The following PTK2B variants were observed in gnomAD, a reference collection of about 807,000 sequenced individuals.
The protein encoded by PTK2B is protein tyrosine kinase 2 beta.
Under a neutral mutation model 142.9 loss-of-function variants are expected in PTK2B, and 71 were observed. The observed-to-expected ratio is 0.50, with a 90% CI of 0.41 to 0.61. PTK2B has a LOEUF of 0.61. PTK2B is among the 20% of genes least tolerant of loss of function. The probability of loss-of-function intolerance (pLI) is 0.00; values close to 1 mark genes in which losing one functional copy is unlikely to be tolerated. For missense variants in PTK2B, 1,105 were observed against 1,320.4 expected, an observed-to-expected ratio of 0.84 and a Z score of 2.53; for synonymous variants, 519 against 503.4, an observed-to-expected ratio of 1.03 and a Z score of -0.42.
At position 27,327,290 on chromosome 8, in the gene PTK2B, G is replaced by C. The variant is rs1803478537; in HGVS notation, c.-38+1609G>C. On this transcript the variant is annotated intron_variant, in intron 1 of 30. Transcript: ENST00000346049. ...CTGCCAGGCTGCCATGGCAACTTCT[G>C]TTGGAGCAACACTTGGGACCTGGAG... 2.0e-5 allele frequency among the ~76,000 whole-genome samples: 3 copies of C among 152,206 alleles called. No homozygotes were observed. The South Asian group carries it at 6.2e-4, about 31-fold the overall frequency.
chr8:27,430,468 G>C (rs1461357606), intron 7 of PTK2B, 50 bp downstream of exon 7: 13 of 1,603,562 alleles, frequency 8.1e-6, no homozygotes, highest in Admixed American at 1.7e-5. Context: ...CCCGAGACTA[G>C]AGTGTAAGGG....
At chr8:27,311,176 G>T, upstream of PTK2B, 1 of 1,606,426 alleles carries the variant, frequency 6.2e-7, no homozygotes. Context: ...AGACGGCGCA[G>T]AGCAACTCCT....
At chr8:27,326,234 G>A (rs1444953659) in intron 1 of PTK2B, among the ~76,000 whole-genome samples, 11 of 149,400 alleles carry the variant, frequency 7.4e-5, no homozygotes, top group Non-Finnish European at 1.2e-4. Context: ...GTATGTGTGT[G>A]TGTGTGTGTG....
intron 1 of PTK2B, among the ~76,000 whole-genome samples, chr8:27,344,775 A>T (rs1473280683): frequency 6.6e-6 from 1 of 152,144 alleles, no homozygotes; most frequent in Non-Finnish European, 1.5e-5. Context: ...ACTTTACTCC[A>T]GGACACACAA....
At chr8:27,323,689 T>C (rs528702303), upstream of PTK2B, among the ~76,000 whole-genome samples, 3 of 152,264 alleles carry the variant, frequency 2.0e-5, no homozygotes, top group African/African-American at 7.2e-5. Flanking sequence ...CTGAGTTGCT[T>C]GTACATGACA....
At chr8:27,411,639 G>T (rs149854775) in intron 2 of PTK2B, among the ~76,000 whole-genome samples, 1 of 152,186 alleles carries the variant, frequency 6.6e-6, no homozygotes, top group African/African-American at 2.4e-5. Flanking sequence ...TCTCACCCTC[G>T]TTTGTATGAC....
rs530375979 is a variant in PTK2B, at chr8:27,349,824, C to T, written c.-38+24143C>T. On this transcript the variant is annotated intron_variant, in intron 1 of 30. Coordinates refer to ENST00000346049, the MANE Select transcript of PTK2B (RefSeq NM_173176.3). ...ACCCCCTTAAATCCTAATATTGTGACAAACTGAGAGGTGATGGTTGCTTGC... is the reference window on the plus strand; with the variant it reads ...ACCCCCTTAAATCCTAATATTGTGATAAACTGAGAGGTGATGGTTGCTTGC... Among the ~76,000 whole-genome samples, 10 of 152,326 alleles carry T rather than the reference C, an allele frequency of 6.6e-5. No individual in the cohort carries two copies. The Middle Eastern group carries it at 0.01, about 155-fold the overall frequency.
intron 23 of PTK2B, among the ~76,000 whole-genome samples, chr8:27,445,586 A>G (rs530722585): frequency 8.5e-5 from 13 of 152,260 alleles, no homozygotes; most frequent in African/African-American, 2.6e-4. Flanking sequence ...TCTTGGGGGA[A>G]TGTTGGATGA....
chr8:27,427,918 G>T (rs1360646262), intron 5 of PTK2B, among the ~76,000 whole-genome samples: 1 of 152,164 alleles, frequency 6.6e-6, no homozygotes, highest in Non-Finnish European at 1.5e-5. Flanking sequence ...CCTGGTTGGG[G>T]TGGGGGATGG....
In PTK2B at chr8:27,363,600, T is replaced by C. The variant is rs113954146; in HGVS notation, c.-37-33948T>C. ...ACTGCTCTTGCTGCTCTGAGCCTCT[T>C]GATTCTGATTTGGGTCTACCCCTGC... is the stretch of plus-strand genomic sequence containing the variant. On this transcript the variant is annotated intron_variant, in intron 1 of 30. Coordinates refer to ENST00000346049, the MANE Select transcript of PTK2B (RefSeq NM_173176.3). This position sits in a 1 kb window ranked among gnomAD's most constrained non-coding sequence, Gnocchi z 4.3. Among the ~76,000 whole-genome samples the C allele has an allele frequency of 7.2e-5, 11 of 152,222 alleles. No homozygotes were observed. Among genetic ancestry groups the C allele is most frequent in the African/African-American group, 2.2e-4 (9 of 41,548 alleles).
rs945401464 is a variant in PTK2B, at chr8:27,431,492, C to T, written c.885+20C>T. 1.9e-6 allele frequency: 3 copies of T among 1,613,050 alleles called. No individual in the cohort carries two copies. The African/African-American group carries it at 4.0e-5, about 22-fold the overall frequency. On this transcript the variant is annotated intron_variant, in intron 9 of 30. Coordinates refer to ENST00000346049, the MANE Select transcript of PTK2B (RefSeq NM_173176.3). ...GCAAAGGTAGAGAGACCCGGGGCAG[C>T]CCCACCCAGCCCCAGGCGGGGAGGT...
Position 27,433,471 on chromosome 8 carries a change from G to A in PTK2B, c.1024G>A (p.Glu342Lys). ...SIKTSSLAEA[E>K]NMADLIDGYC... ...CAAAACCTCATCCCTAGCAGAGGCT[G>A]AGAACATGGCTGACCTCATAGACGG... Residue 342 changes from glutamate to lysine, a missense_variant, in exon 11 of 31, where the codon GAG (glutamate) becomes AAG (lysine). Coordinates refer to ENST00000346049, the MANE Select transcript of PTK2B (RefSeq NM_173176.3). 1 of 1,614,216 alleles carries A rather than the reference G, an allele frequency of 6.2e-7. No homozygotes were observed. The highest frequency in any genetic ancestry group is 8.5e-7 in the Non-Finnish European group (1 of 1,180,008).
chr8:27,448,469 T>C (rs1348001565), intron 24 of PTK2B, among the ~76,000 whole-genome samples: 5 of 152,356 alleles, frequency 3.3e-5, no homozygotes, highest in Admixed American at 6.5e-5. Flanking sequence ...ATTTTTCTCC[T>C]TGAGTTTTAT....
intron 7 of PTK2B, 110 bp from the exon 8 acceptor site, chr8:27,430,766 G>C: frequency 7.0e-7 from 1 of 1,436,022 alleles, no homozygotes; most frequent in East Asian, 2.3e-5. Context: ...TGGGGCAAAG[G>C]CCCTGGGGAT....
In PTK2B at chr8:27,350,989, AAATATATATATATATATATATATATAT is replaced by A. The variant is rs1470792862; in HGVS notation, c.-38+25310_-38+25336del. Among the ~76,000 whole-genome samples, 9 of 17,722 alleles carry A rather than the reference AAATATATATATATATATATATATATAT, an allele frequency of 5.1e-4. 2 individuals carry two copies. Among genetic ancestry groups the A allele is most frequent in the Admixed American group, 3.1e-3 (6 of 1,920 alleles). 11.6% of individuals were successfully genotyped at this position (17,722 alleles called of 152,430 possible). A position where few individuals can be genotyped will look rare whatever the true frequency, so the allele number is the denominator to read the frequency against. ...AGTCTCCGTCTCAAAAAAAAAAAAA[AAATATATATATATATATATATATATAT>A]ATATATATATATATATATATATATA... On this transcript the variant is annotated intron_variant, in intron 1 of 30. Coordinates refer to ENST00000346049, the MANE Select transcript of PTK2B (RefSeq NM_173176.3).
chr8:27,453,897 C>T (rs1333222282), intron 28 of PTK2B: 2 of 457,858 alleles, frequency 4.4e-6, no homozygotes, highest in Non-Finnish European at 7.7e-6. Flanking sequence ...AGCCTGCCTG[C>T]ACCCTATGTC....
At chr8:27,446,477 C>T (rs763862525) in intron 24 of PTK2B, among the ~76,000 whole-genome samples, 4 of 152,072 alleles carry the variant, frequency 2.6e-5, no homozygotes, top group Admixed American at 6.6e-5. Context: ...CTCTTTGTCA[C>T]GGGGGGTTGT....
In PTK2B at chr8:27,439,314, G is replaced by A; in HGVS notation, c.1750G>A (p.Val584Met). The change falls in exon 20 of 31, where the codon GTG (valine) becomes ATG (methionine). Residue 584 changes from valine to methionine, a missense_variant. Val to Met is a conservative substitution (Grantham distance 21, BLOSUM62 1). Transcript: ENST00000346049. ...ACCTCTTTGCCCACCCAAAGCCTCTGTGACTCGTCTCCCCATCAAATGGAT... is the reference window on the plus strand; with the variant it reads ...ACCTCTTTGCCCACCCAAAGCCTCTATGACTCGTCTCCCCATCAAATGGAT... ...IEDEDYYKAS[V>M]TRLPIKWMSP... is the part of the protein sequence containing the mutation. 6.2e-7 allele frequency: 1 copy of A among 1,613,624 alleles called. No homozygotes were observed. Among genetic ancestry groups the A allele is most frequent in the Non-Finnish European group, 8.5e-7 (1 of 1,179,512 alleles).
chr8:27,440,887 T>C (rs1420202349), intron 21 of PTK2B, among the ~76,000 whole-genome samples: 1 of 152,092 alleles, frequency 6.6e-6, no homozygotes, highest in African/African-American at 2.4e-5. Flanking sequence ...CCCTTCTGAA[T>C]GGGGGATAAG....
Sources: gnomAD v4.1 joint callset for allele counts (sites outside exome capture counted in the v4.1 genomes callset) on GRCh38, gnomAD v4.1.1 for gene constraint, Gnocchi (gnomAD v3.1) non-coding constraint, MANE v1.5 for transcripts, NCBI Gene and HGNC (gene_info 2026-07-23, HGNC 2026-07-21) for gene names.